RIT2: variants seen among roughly 807,000 people sequenced by gnomAD.
The protein encoded by RIT2 is Ras like without CAAX 2, also known as GTP-binding protein Rit2.
In RIT2, 24 loss-of-function variants were observed where a neutral mutation model predicts 23.7. The ratio of observed to expected loss-of-function variants is 1.01; its 90% CI spans 0.73 to 1.43. RIT2 has a LOEUF of 1.43. Among genes scored for constraint, RIT2 ranks in the 40% most tolerant of loss-of-function variants. The pLI, the probability that RIT2 is intolerant of heterozygous loss-of-function variation, is 0.00. For missense variants in RIT2, 236 were observed against 266.9 expected (o/e 0.88, Z 0.81); for synonymous variants, 107 against 91.1 (o/e 1.17, Z -0.99).
At chr18:43,054,225 A>T (rs1912448495) in intron 1 of RIT2, among the ~76,000 whole-genome samples, 1 of 152,094 alleles carries the variant, frequency 6.6e-6, no homozygotes, top group Non-Finnish European at 1.5e-5. Flanking sequence ...ATCCTTTCTG[A>T]TAAAAATGAA....
intron 2 of RIT2, among the ~76,000 whole-genome samples, chr18:42,983,966 A>AAAC: frequency 6.6e-6 from 1 of 152,104 alleles, no homozygotes; most frequent in Non-Finnish European, 1.5e-5. Context: ...AATTTAAAGA[A>AAAC]AACTAATCAT....
At chr18:42,885,938 T>C (rs1908011767) in intron 4 of RIT2, among the ~76,000 whole-genome samples, 1 of 152,198 alleles carries the variant, frequency 6.6e-6, no homozygotes, top group South Asian at 2.1e-4. Context: ...TTCTCTGACA[T>C]TATCATGAAG....
chr18:42,801,464 G>C (rs1172034894), intron 4 of RIT2, among the ~76,000 whole-genome samples: 1 of 152,186 alleles, frequency 6.6e-6, no homozygotes, highest in Non-Finnish European at 1.5e-5. Flanking sequence ...GGAATAACTA[G>C]TTCTTTTTTT....
At chr18:42,920,660 C>T in intron 4 of RIT2, 4 of 1,452,724 alleles carry the variant, frequency 2.8e-6, no homozygotes, top group Non-Finnish European at 1.9e-6. Context: ...CCTGGGATTT[C>T]CCAAAATGCA....
chr18:42,789,259 G>A (rs1025715663), intron 4 of RIT2, among the ~76,000 whole-genome samples: 2 of 152,176 alleles, frequency 1.3e-5, no homozygotes, highest in Non-Finnish European at 2.9e-5. Flanking sequence ...TAAAAATGGT[G>A]TTGACATTGT....
chr18:42,958,670 C>T (rs185931774), intron 3 of RIT2, among the ~76,000 whole-genome samples: 11 of 152,204 alleles, frequency 7.2e-5, no homozygotes, highest in East Asian at 5.8e-4. Flanking sequence ...TCCAGACCAG[C>T]GATACTGCCA....
At chr18:42,941,635 A>G (rs1175119708) in intron 3 of RIT2, among the ~76,000 whole-genome samples, 1 of 152,176 alleles carries the variant, frequency 6.6e-6, no homozygotes, top group African/African-American at 2.4e-5. Flanking sequence ...AGAATTAATC[A>G]CATCAATTTT....
chr18:42,938,397 TATAAA>T (rs1909514976), intron 3 of RIT2, among the ~76,000 whole-genome samples: 1 of 152,142 alleles, frequency 6.6e-6, no homozygotes, highest in African/African-American at 2.4e-5. Flanking sequence ...AAAATGATAC[TATAAA>T]ATAATTCCTT....
rs182612091 is a variant in RIT2, at chr18:43,072,169, A to C, written c.104-38302T>G. On this transcript the variant is annotated intron_variant, in intron 1 of 4. Coordinates refer to ENST00000326695, the MANE Select transcript of RIT2 (RefSeq NM_002930.4). ...GCCAGCTGATTTTTGTATTTTTAGTAGAGACGGGGTTTTACCATGTTGGCG... is the reference window on the plus strand; with the variant it reads ...GCCAGCTGATTTTTGTATTTTTAGTCGAGACGGGGTTTTACCATGTTGGCG... Among the ~76,000 whole-genome samples the C allele has an allele frequency of 3.5e-3, 532 of 152,108 alleles. 3 individuals carry two copies. The highest frequency in any genetic ancestry group is 0.011 in the African/African-American group (449 of 41,506).
In RIT2 at chr18:42,946,856, GCTCTGAAAAT is replaced by G. The variant is rs1909739682; in HGVS notation, c.235-23103_235-23094del. Among the ~76,000 whole-genome samples, 3 of 152,110 alleles carry G rather than the reference GCTCTGAAAAT, an allele frequency of 2.0e-5. No individual in the cohort carries two copies. The South Asian group carries it at 6.2e-4, about 32-fold the overall frequency. On this transcript the variant is annotated intron_variant, in intron 3 of 4. Transcript: ENST00000326695. The stretch of plus-strand genomic sequence containing the variant: ...GAAAAAATATGAAAGGTCACTTTCA[GCTCTGAAAAT>G]CTTATTCATGGTAAATTACCATACC...
At chr18:42,988,993 T>A (rs1308806591) in intron 2 of RIT2, among the ~76,000 whole-genome samples, 2 of 152,184 alleles carry the variant, frequency 1.3e-5, no homozygotes, top group African/African-American at 4.8e-5. Context: ...CATGTTTTTT[T>A]CTTGTTCCCC....
At chr18:42,952,598 T>C (rs953377381) in intron 3 of RIT2, among the ~76,000 whole-genome samples, 1 of 152,136 alleles carries the variant, frequency 6.6e-6, no homozygotes, top group African/African-American at 2.4e-5. Flanking sequence ...AATATGTTTA[T>C]GGCATAGATT....
chr18:42,877,090 C>A (rs777720816), intron 4 of RIT2, among the ~76,000 whole-genome samples: 16 of 151,700 alleles, frequency 1.1e-4, no homozygotes, highest in Non-Finnish European at 2.1e-4. Flanking sequence ...TGAGAAATAT[C>A]ATTTTTATAG....
At chr18:42,926,097 T>C (rs1909173605) in intron 3 of RIT2, among the ~76,000 whole-genome samples, 1 of 151,754 alleles carries the variant, frequency 6.6e-6, no homozygotes. Context: ...CTGAGAATCT[T>C]TTTGGTCTAG....
At chr18:42,828,786 T>C (rs1230525473) in intron 4 of RIT2, among the ~76,000 whole-genome samples, 3 of 152,224 alleles carry the variant, frequency 2.0e-5, no homozygotes, top group African/African-American at 7.2e-5. Flanking sequence ...TGAAAAGGCT[T>C]AGACTCAGCC....
chr18:43,027,105 G>C (rs1911750706), intron 2 of RIT2, among the ~76,000 whole-genome samples: 1 of 149,434 alleles, frequency 6.7e-6, no homozygotes, highest in South Asian at 2.1e-4. Context: ...AAAATGGAAA[G>C]AATTAATATT....
chr18:43,053,661 G>A (rs531160708), intron 1 of RIT2, among the ~76,000 whole-genome samples: 50 of 151,992 alleles, frequency 3.3e-4, no homozygotes, highest in Non-Finnish European at 6.2e-4. Context: ...GTTCTACCTC[G>A]TATTCATTGA....
intron 4 of RIT2, among the ~76,000 whole-genome samples, chr18:42,827,305 G>A (rs937195258): frequency 6.6e-6 from 1 of 151,980 alleles, no homozygotes; most frequent in East Asian, 1.9e-4. Flanking sequence ...AAATAAAATA[G>A]CATTAGATAT....
chr18:42,985,416 TAAATTTATATGG>T (rs1458162708), intron 2 of RIT2, among the ~76,000 whole-genome samples: 2 of 152,150 alleles, frequency 1.3e-5, no homozygotes, highest in East Asian at 3.9e-4. Context: ...CAACTGATTC[TAAATTTATATGG>T]AAATGAACAG....
Sources: allele counts gnomAD v4.1 joint callset (sites outside exome capture counted in the v4.1 genomes callset), GRCh38; gene constraint gnomAD v4.1.1; transcripts MANE v1.5; gene names NCBI Gene and HGNC (gene_info 2026-07-23, HGNC 2026-07-21).